DSC2: variants seen among roughly 807,000 people sequenced by gnomAD.
The protein encoded by DSC2 is desmocollin-2.
DSC2 carries 51 observed loss-of-function variants against 87.6 expected under a neutral mutation model. That is an observed-to-expected ratio of 0.58 (90% CI 0.46 to 0.74). The LOEUF is 0.74. Among genes scored for constraint, DSC2 ranks in the 30% least tolerant of loss-of-function variants. The pLI is 0.00. For missense variants in DSC2, 1,066 were observed against 1,089.5 expected (o/e 0.98, Z 0.30); for synonymous variants, 383 against 393.2 (o/e 0.97, Z 0.31).
rs201163742 is a variant in DSC2 at position 31,074,824 on chromosome 18, T to C, written c.1747A>G (p.Ile583Val). 6.2e-7 allele frequency: 1 copy of C among 1,614,002 alleles called. No individual in the cohort carries two copies. Among genetic ancestry groups the C allele is most frequent in the Admixed American group, 1.7e-5 (1 of 59,988 alleles). The change falls in exon 12 of 16, where the codon ATC becomes GTC. Residue 583 changes from isoleucine (I) to valine (V), a missense_variant. Ile to Val is a conservative substitution (Grantham distance 29). Coordinates refer to ENST00000280904, the MANE Select transcript of DSC2 (RefSeq NM_024422.6). ...NSPFIPKKTV[I>V]ICKPTMSSAE... ...GATGACATGGTGGGTTTGCAGATGA[T>C]CACTGTCTTTTTAGGTATGAATGGG...
rs1987287250 is a variant in DSC2 at position 31,083,171 on chromosome 18, T to C, written c.943-111A>G. ...CACTAAGAATTTAAGAAGTGCATTA[T>C]TACATTTCACAGCATTCGTGTATTA... is the stretch of plus-strand genomic sequence containing the variant. On this transcript the variant is annotated intron_variant, in intron 7 of 15. Transcript: ENST00000280904. 6.5e-6 allele frequency: 8 copies of C among 1,229,720 alleles called. 1 individual carries two copies. In the South Asian group the frequency reaches 9.6e-5, roughly 15 times the overall value. 76.2% of individuals were successfully genotyped at this position (1,229,720 alleles called of 1,614,324 possible).
chr18:31,095,910 G>A (rs1987746853), intron 1 of DSC2, among the ~76,000 whole-genome samples: 1 of 151,790 alleles, frequency 6.6e-6, no homozygotes, highest in Non-Finnish European at 1.5e-5. Context: ...ACAGAAGAAT[G>A]GCATATGTGA....
Position 31,067,113 on chromosome 18 carries a change from A to C in DSC2, c.*902T>G, listed in dbSNP as rs1203707501. On this transcript the variant is annotated 3_prime_UTR_variant, in exon 16 of 16. Coordinates refer to ENST00000280904, the MANE Select transcript of DSC2 (RefSeq NM_024422.6). ...CCAAGATATTTGAAACAACAAAGTT[A>C]ACATTACAATGATTTCAAGAAAAAC... is the stretch of plus-strand genomic sequence containing the variant. The C allele has an allele frequency of 6.6e-6, 1 of 152,070 alleles. No homozygotes were observed. 9.4% of individuals were successfully genotyped at this position (152,070 alleles called of 1,614,324 possible). A position where few individuals can be genotyped will look rare whatever the true frequency, so the allele number is the denominator to read the frequency against.
intron 9 of DSC2, 89 bp downstream of exon 9, chr18:31,082,149 A>G: frequency 7.9e-7 from 1 of 1,265,918 alleles, no homozygotes; most frequent in Non-Finnish European, 1.1e-6. Flanking sequence ...TTTATTCTAC[A>G]TTTATCAGAA....
chr18:31,102,133 G>T lies in DSC2; in HGVS notation c.-162C>A, dbSNP rs1987988765. 2 of 557,178 alleles carry T rather than the reference G, an allele frequency of 3.6e-6. No individual in the cohort carries two copies. Among genetic ancestry groups the T allele is most frequent in the Non-Finnish European group, 5.9e-6 (2 of 340,760 alleles). The allele number at this position is 557,178 out of a possible 1,614,324, so 34.5% of individuals were successfully genotyped here. On this transcript the variant is annotated 5_prime_UTR_variant, in exon 1 of 16. Coordinates refer to ENST00000280904, the MANE Select transcript of DSC2 (RefSeq NM_024422.6). Reference sequence around the variant, plus strand: ...GAGAGGTGCTTTTCTTAGCTTCTCTGAAGCGCCTGCCTCTCATCCAAGGGG... The same window carrying T: ...GAGAGGTGCTTTTCTTAGCTTCTCTTAAGCGCCTGCCTCTCATCCAAGGGG...
rs1269886741 is a variant in DSC2 at position 31,063,818 on chromosome 18, G to T, written c.*4197C>A. On this transcript the variant is annotated 3_prime_UTR_variant, in exon 16 of 16. Coordinates refer to ENST00000280904, the MANE Select transcript of DSC2 (RefSeq NM_024422.6). ...TTGTAATATTTTCAATTTACCATGG[G>T]TTTATCAGGATGTAACCCCATCATA... The T allele has an allele frequency of 2.0e-5, 3 of 152,158 alleles. No individual in the cohort carries two copies. Among genetic ancestry groups the T allele is most frequent in the Non-Finnish European group, 4.4e-5 (3 of 68,026 alleles). 9.4% of individuals were successfully genotyped at this position (152,158 alleles called of 1,614,324 possible).
At chr18:31,075,037 G>C in intron 11 of DSC2, 130 bp from the exon 12 acceptor site, 1 of 951,218 alleles carries the variant, frequency 1.1e-6, no homozygotes, top group Non-Finnish European at 1.6e-6. Flanking sequence ...GCAGTCACAA[G>C]CTATGTCCTC....
chr18:31,068,188 C>T lies in DSC2; in HGVS notation c.2533G>A (p.Glu845Lys), dbSNP rs1220943858. 3 of 1,614,084 alleles carry T rather than the reference C, an allele frequency of 1.9e-6. No homozygotes were observed. In the South Asian group the frequency reaches 3.3e-5, roughly 18 times the overall value. The change falls in exon 16 of 16, where the codon GAA (glutamate) becomes AAA (lysine). Residue 845 changes from glutamate (E) to lysine (K), a missense_variant. Glu to Lys is a moderately conservative substitution (Grantham distance 56). Coordinates refer to ENST00000280904, the MANE Select transcript of DSC2 (RefSeq NM_024422.6). ...GEKVYLCNQDENHKHAQDYVL... is the reference protein window; with the variant it reads ...GEKVYLCNQDKNHKHAQDYVL... ...TAGTCTTGGGCATGCTTGTGATTTT[C>T]ATCTTGATTACACAGATACACTTTC... is the stretch of plus-strand genomic sequence containing the variant.
At position 31,060,929 on chromosome 18, in the gene DSC2, A is replaced by G. The variant is rs1986488290; in HGVS notation, c.*7086T>C. 6.6e-6 allele frequency: 1 copy of G among 152,240 alleles called. No individual in the cohort carries two copies. Among genetic ancestry groups the G allele is most frequent in the African/African-American group, 2.4e-5 (1 of 41,464 alleles). 9.4% of individuals were successfully genotyped at this position (152,240 alleles called of 1,614,324 possible). The stretch of plus-strand genomic sequence containing the variant: ...TAGCATTTTGCTTAATATGTTTTAT[A>G]TGAAAAGGCAAATTTTAAATACTTA... On this transcript the variant is annotated 3_prime_UTR_variant, in exon 16 of 16. Coordinates refer to ENST00000280904, the MANE Select transcript of DSC2 (RefSeq NM_024422.6).
chr18:31,098,787 T>C (rs1285602213), intron 1 of DSC2, among the ~76,000 whole-genome samples: 2 of 152,214 alleles, frequency 1.3e-5, no homozygotes, highest in African/African-American at 2.4e-5. Context: ...AATCCCATTA[T>C]TGGTAATCTG....
At position 31,086,596 on chromosome 18, in the gene DSC2, A is replaced by G; in HGVS notation, c.922T>C (p.Ser308Pro). 1 of 1,614,096 alleles carries G rather than the reference A, an allele frequency of 6.2e-7. No homozygotes were observed. Among genetic ancestry groups the G allele is most frequent in the Non-Finnish European group, 8.5e-7 (1 of 1,179,986 alleles). ...GTTACCTCTCTGTCTAGCTGAGATG[A>G]TGTTGTGGTGATCACGCCTGTAGTT... ...HPTTGVITTT[S>P]SQLDRELIDK... Residue 308 changes from serine (S) to proline (P), a missense_variant, in exon 7 of 16, where the codon TCA (serine) becomes CCA (proline). Transcript: ENST00000280904.
rs751460876 is a variant in DSC2 at position 31,071,579 on chromosome 18, A to C, written c.2125+26T>G. The C allele has an allele frequency of 1.9e-5, 30 of 1,597,586 alleles. No individual in the cohort carries two copies. The Middle Eastern group carries it at 9.9e-4, about 53-fold the overall frequency. ...AAGTTACTTTAAAGGGTATTATTTGAATTCAAGAAAGGACTTAAGACTTAC... is the reference window on the plus strand; with the variant it reads ...AAGTTACTTTAAAGGGTATTATTTGCATTCAAGAAAGGACTTAAGACTTAC... On this transcript the variant is annotated intron_variant, in intron 13 of 15. Transcript: ENST00000280904.
chr18:31,087,887 G>A, intron 5 of DSC2, 74 bp from the exon 6 acceptor site: 1 of 1,511,270 alleles, frequency 6.6e-7, no homozygotes, highest in Non-Finnish European at 9.1e-7. Flanking sequence ...ATTCATTTTG[G>A]CTTTAACTTG....
In DSC2 at chr18:31,079,948, T is replaced by C; in HGVS notation, c.1562A>G (p.Asp521Gly). 1.9e-6 allele frequency: 3 copies of C among 1,614,042 alleles called. No homozygotes were observed. The highest frequency in any genetic ancestry group is 2.5e-6 in the Non-Finnish European group (3 of 1,179,956). Residue 521 changes from aspartate to glycine, a missense_variant, in exon 11 of 16, where the codon GAT (aspartate) becomes GGT (glycine). Asp to Gly is a moderately conservative substitution (Grantham distance 94). Coordinates refer to ENST00000280904, the MANE Select transcript of DSC2 (RefSeq NM_024422.6). ...LTDPTGWVTI[D>G]ENTGSIKVFR... ...AACTTTGATTGATCCTGTATTTTCA[T>C]CAATGGTGACCCACCCTGTTGGATC...
chr18:31,084,769 C>T (rs989287404), intron 7 of DSC2, among the ~76,000 whole-genome samples: 1 of 151,736 alleles, frequency 6.6e-6, no homozygotes. Context: ...TAATCTGTCA[C>T]TTCAGGGAAA....
At chr18:31,068,790 A>G in intron 15 of DSC2, 104 bp downstream of exon 15, 1 of 1,414,636 alleles carries the variant, frequency 7.1e-7, no homozygotes, top group South Asian at 1.2e-5. Context: ...TAGTAGAATT[A>G]GTAGATTCAT....
At chr18:31,090,497 A>G (rs1411342922) in intron 4 of DSC2, among the ~76,000 whole-genome samples, 2 of 152,090 alleles carry the variant, frequency 1.3e-5, no homozygotes, top group African/African-American at 4.8e-5. Context: ...TTGAGATGGG[A>G]GATCATTTCA....
chr18:31,098,600 A>G (rs918606853), intron 1 of DSC2, among the ~76,000 whole-genome samples: 2 of 151,524 alleles, frequency 1.3e-5, no homozygotes, highest in African/African-American at 4.9e-5. Flanking sequence ...GATTATAGGT[A>G]TGCACCACCA....
intron 12 of DSC2, among the ~76,000 whole-genome samples, chr18:31,074,360 C>T (rs1366500777): frequency 1.3e-5 from 2 of 151,372 alleles, no homozygotes; most frequent in Non-Finnish European, 1.5e-5. Context: ...GAGAGGTACA[C>T]AAGTTAGGAA....
Sources: allele counts gnomAD v4.1 joint callset (sites outside exome capture counted in the v4.1 genomes callset), GRCh38; gene constraint gnomAD v4.1.1; transcripts MANE v1.5; gene names NCBI Gene and HGNC (gene_info 2026-07-23, HGNC 2026-07-21).